LINGO2: variants seen among roughly 807,000 people sequenced by gnomAD.
The protein encoded by LINGO2 is leucine-rich repeat and immunoglobulin-like domain-containing nogo receptor-interacting protein 2.
Under a neutral mutation model 30.6 loss-of-function variants are expected in LINGO2, and 14 were observed. That is an observed-to-expected ratio of 0.46 (90% CI 0.30 to 0.72). The LOEUF (loss-of-function observed/expected upper bound fraction) is 0.72. Among genes scored for constraint, LINGO2 ranks in the 30% least tolerant of loss-of-function variants. The probability of loss-of-function intolerance (pLI) is 0.07; values close to 1 mark genes in which losing one functional copy is unlikely to be tolerated. For missense variants in LINGO2, 729 were observed against 751.7 expected, an observed-to-expected ratio of 0.97 and a Z score of 0.35; for synonymous variants, 317 against 288.5, an observed-to-expected ratio of 1.10 and a Z score of -1.00.
intron 2 of LINGO2, among the ~76,000 whole-genome samples, chr9:28,414,490 C>T (rs1822894328): frequency 6.6e-6 from 1 of 152,012 alleles, no homozygotes; most frequent in African/African-American, 2.4e-5. Flanking sequence ...CTGATATTTG[C>T]CAATCATTTT....
At chr9:28,152,829 C>T (rs1335774352) in intron 4 of LINGO2, among the ~76,000 whole-genome samples, 2 of 152,074 alleles carry the variant, frequency 1.3e-5, no homozygotes, top group Non-Finnish European at 2.9e-5. Context: ...AACATGACAA[C>T]ATGTGAAAGA....
intron 2 of LINGO2, among the ~76,000 whole-genome samples, chr9:28,421,128 G>T (rs1380402547): frequency 6.6e-6 from 1 of 151,750 alleles, no homozygotes; most frequent in Non-Finnish European, 1.5e-5. Context: ...ATTCAAAGTT[G>T]TAGAACACAA....
chr9:28,365,626 G>C (rs1820635265), intron 3 of LINGO2, among the ~76,000 whole-genome samples: 1 of 152,242 alleles, frequency 6.6e-6, no homozygotes, highest in South Asian at 2.1e-4. Context: ...ACACGAAGGA[G>C]AAGACAGGGC....
the LINGO2 span, among the ~76,000 whole-genome samples, chr9:28,677,903 C>T: frequency 1.3e-5 from 2 of 151,686 alleles, no homozygotes; most frequent in Non-Finnish European, 2.9e-5. Context: ...GTCCTGAGTT[C>T]CTCCTTCTCT....
At chr9:28,854,827 CT>C in the LINGO2 span, among the ~76,000 whole-genome samples, 1 of 151,822 alleles carries the variant, frequency 6.6e-6, no homozygotes, top group Non-Finnish European at 1.5e-5. Context: ...CAAATTCAGC[CT>C]TATGTTCTTT....
chr9:28,197,694 G>T (rs905775160), intron 4 of LINGO2, among the ~76,000 whole-genome samples: 2 of 151,716 alleles, frequency 1.3e-5, no homozygotes, highest in Non-Finnish European at 1.5e-5. Context: ...ACTATTAAAA[G>T]GAAAGAGTAA....
rs190251491 is a variant in LINGO2, at chr9:28,394,193, G to A, written c.-278-21325C>T. ...ACAGGTCCATACCAAAGCCATATCA[G>A]GTATATCTGAAGATCTCTTTCCAAC... On this transcript the variant is annotated intron_variant, in intron 2 of 5. Transcript: ENST00000379992. Among the ~76,000 whole-genome samples the A allele has an allele frequency of 3.3e-4, 50 of 152,266 alleles. No individual in the cohort carries two copies. In the East Asian group the frequency reaches 5.4e-3, roughly 16 times the overall value.
At chr9:28,585,457 T>C (rs10812849) in intron 1 of LINGO2, among the ~76,000 whole-genome samples, 89,010 of 151,678 alleles carry the variant, frequency 0.59, 26,514 homozygotes, top group East Asian at 0.69. Flanking sequence ...TTAGGATTTT[T>C]TGAAGTTATA....
At chr9:28,494,829 C>CTTA (rs1819536969) in intron 1 of LINGO2, among the ~76,000 whole-genome samples, 1 of 152,192 alleles carries the variant, frequency 6.6e-6, no homozygotes. Flanking sequence ...TTTACAGTCC[C>CTTA]ACCAACAGTG....
the LINGO2 span, among the ~76,000 whole-genome samples, chr9:29,105,957 T>C: frequency 6.6e-6 from 1 of 152,136 alleles, no homozygotes; most frequent in Non-Finnish European, 1.5e-5. Context: ...AACCATCACA[T>C]GAGGACACAT....
At chr9:28,595,957 C>T (rs367952739) in intron 1 of LINGO2, among the ~76,000 whole-genome samples, 7 of 152,104 alleles carry the variant, frequency 4.6e-5, no homozygotes, top group East Asian at 1.9e-4. Flanking sequence ...TTTTTAAAAA[C>T]GGAATTTGTG....
chr9:28,327,878 C>T (rs539536276), intron 3 of LINGO2, among the ~76,000 whole-genome samples: 1 of 149,160 alleles, frequency 6.7e-6, no homozygotes, highest in Non-Finnish European at 1.5e-5. Flanking sequence ...TCAACAGAAA[C>T]AAAGAAAGGA....
the LINGO2 span, among the ~76,000 whole-genome samples, chr9:29,072,324 A>C: frequency 6.6e-6 from 1 of 152,012 alleles, no homozygotes; most frequent in African/African-American, 2.4e-5. Context: ...ATACATATAA[A>C]TAGAACGACA....
At chr9:29,167,486 T>C in the LINGO2 span, among the ~76,000 whole-genome samples, 7 of 152,148 alleles carry the variant, frequency 4.6e-5, no homozygotes, top group Non-Finnish European at 8.8e-5. Context: ...AAGATTGCTT[T>C]GGAATTAATT....
chr9:28,592,932 T>G (rs1824993009), intron 1 of LINGO2, among the ~76,000 whole-genome samples: 1 of 152,098 alleles, frequency 6.6e-6, no homozygotes, highest in African/African-American at 2.4e-5. Context: ...AACATGCCAT[T>G]TGAGCCAATG....
chr9:28,570,120 C>T (rs1429594947), intron 1 of LINGO2, among the ~76,000 whole-genome samples: 2 of 151,532 alleles, frequency 1.3e-5, no homozygotes, highest in Non-Finnish European at 3.0e-5. Flanking sequence ...CATATGTGGC[C>T]AAAAAATTCT....
intron 1 of LINGO2, among the ~76,000 whole-genome samples, chr9:28,638,604 C>T (rs1040238658): frequency 5.9e-5 from 9 of 152,106 alleles, no homozygotes; most frequent in Non-Finnish European, 8.8e-5. Flanking sequence ...AGTATATTTG[C>T]GTAGAGGTGT....
intron 1 of LINGO2, among the ~76,000 whole-genome samples, chr9:28,596,651 T>C (rs1204820330): frequency 6.6e-6 from 1 of 152,214 alleles, no homozygotes; most frequent in East Asian, 1.9e-4. Context: ...ACCTAGCTTG[T>C]AAAGTCATTG....
At chr9:28,636,785 G>T (rs1827299126) in intron 1 of LINGO2, among the ~76,000 whole-genome samples, 1 of 152,112 alleles carries the variant, frequency 6.6e-6, no homozygotes, top group Non-Finnish European at 1.5e-5. Context: ...TGTTCACTCT[G>T]ATGTTAGTTT....
Sources: allele counts gnomAD v4.1 joint callset (sites outside exome capture counted in the v4.1 genomes callset), GRCh38; gene constraint gnomAD v4.1.1; transcripts MANE v1.5; gene names NCBI Gene and HGNC (gene_info 2026-07-23, HGNC 2026-07-21).